The following PLXNA4 variants were observed in gnomAD, a reference collection of about 807,000 sequenced individuals.
PLXNA4 encodes the protein plexin A4, also known as plexin-A4.
Under a neutral mutation model 191.8 loss-of-function variants are expected in PLXNA4, and 44 were observed. The observed-to-expected ratio is 0.23, with a 90% CI of 0.18 to 0.29. PLXNA4 has a LOEUF of 0.29. Among genes scored for constraint, PLXNA4 ranks in the 10% least tolerant of loss-of-function variants. The probability of loss-of-function intolerance (pLI) is 1.00; values close to 1 mark genes in which losing one functional copy is unlikely to be tolerated. For synonymous variants in PLXNA4, 1,082 were observed against 1,009.5 expected (o/e 1.07, Z -1.36); for missense variants, 1,800 against 2,488.8 (o/e 0.72, Z 5.89).
intron 3 of PLXNA4, among the ~76,000 whole-genome samples, chr7:132,405,875 C>T (rs1165013883): frequency 6.6e-6 from 1 of 152,206 alleles, no homozygotes; most frequent in African/African-American, 2.4e-5. Flanking sequence ...AACAAGTCTT[C>T]CCCTTGCTAC....
chr7:132,170,609 G>A (rs10954366), intron 21 of PLXNA4, among the ~76,000 whole-genome samples: 44,362 of 152,166 alleles, frequency 0.29, 8,540 homozygotes, highest in African/African-American at 0.52. Flanking sequence ...CTCAGGGCAA[G>A]GCACTGGCAG....
chr7:132,449,017 T>G (rs2117289796), intron 3 of PLXNA4, among the ~76,000 whole-genome samples: 1 of 135,802 alleles, frequency 7.4e-6, no homozygotes, highest in Non-Finnish European at 1.5e-5. Flanking sequence ...ATTGAATCAC[T>G]TTGAATTGAA....
intron 3 of PLXNA4, among the ~76,000 whole-genome samples, chr7:132,313,297 G>T (rs972565575): frequency 2.0e-5 from 3 of 152,294 alleles, no homozygotes; most frequent in Admixed American, 6.5e-5. Flanking sequence ...GTCTGAGACT[G>T]GTTTTGAAAT....
intron 4 of PLXNA4, among the ~76,000 whole-genome samples, chr7:132,255,336 C>T (rs1292522974): frequency 1.3e-5 from 2 of 152,176 alleles, no homozygotes; most frequent in Non-Finnish European, 2.9e-5. Flanking sequence ...TCAACATTCT[C>T]AAGCCTCTGA....
intron 3 of PLXNA4, among the ~76,000 whole-genome samples, chr7:132,474,487 G>A (rs776249375): frequency 2.0e-5 from 3 of 152,102 alleles, no homozygotes; most frequent in Non-Finnish European, 4.4e-5. Flanking sequence ...CCATCACCCA[G>A]GTTATTCACC....
At chr7:132,449,784 C>T (rs1464859712) in intron 3 of PLXNA4, among the ~76,000 whole-genome samples, 1 of 152,218 alleles carries the variant, frequency 6.6e-6, no homozygotes, top group Non-Finnish European at 1.5e-5. Flanking sequence ...GCCCATCCTC[C>T]CCAACCTAGT....
chr7:132,540,117 T>A (rs142389111), intron 1 of PLXNA4, among the ~76,000 whole-genome samples: 1 of 152,290 alleles, frequency 6.6e-6, no homozygotes, highest in East Asian at 1.9e-4. Context: ...TGGCTCTGCA[T>A]AATGAAGAAG....
Position 132,145,366 on chromosome 7 carries a change from C to T in PLXNA4, c.5056-78G>A, listed in dbSNP as rs1795390201. ...TGGCTTTTAAAACCTGCCTCACAGA[C>T]CTAGGCAGGGGAGGATGGTATACAG... On this transcript the variant is annotated intron_variant, in intron 28 of 31. Coordinates refer to ENST00000321063, the MANE Select transcript of PLXNA4 (RefSeq NM_020911.2). 7 of 1,588,952 alleles carry T rather than the reference C, an allele frequency of 4.4e-6. No homozygotes were observed. The South Asian group carries it at 7.9e-5, about 18-fold the overall frequency.
At chr7:132,446,166 C>T (rs535305095) in intron 3 of PLXNA4, among the ~76,000 whole-genome samples, 37 of 152,314 alleles carry the variant, frequency 2.4e-4, no homozygotes, top group Middle Eastern at 6.8e-3. Context: ...AACCCTTTAC[C>T]GTTGTTGATG....
intron 1 of PLXNA4, among the ~76,000 whole-genome samples, chr7:132,554,270 G>A (rs1800694412): frequency 6.6e-6 from 1 of 152,180 alleles, no homozygotes; most frequent in South Asian, 2.1e-4. Flanking sequence ...GGGGGACAGT[G>A]TGACAATGAG....
chr7:132,340,486 T>C (rs1802985199), intron 3 of PLXNA4, among the ~76,000 whole-genome samples: 1 of 152,206 alleles, frequency 6.6e-6, no homozygotes, highest in African/African-American at 2.4e-5. Context: ...TGTCACCTTC[T>C]ACCTTCCTGT....
At chr7:132,132,945 G>A (rs1051457665) in intron 31 of PLXNA4, 104 bp downstream of exon 31, 9 of 1,492,230 alleles carry the variant, frequency 6.0e-6, no homozygotes, top group Non-Finnish European at 6.3e-6. Flanking sequence ...CCCAGCAGAG[G>A]TGGATGTGTC....
chr7:132,354,616 G>A (rs1380045665), intron 3 of PLXNA4, among the ~76,000 whole-genome samples: 1 of 152,194 alleles, frequency 6.6e-6, no homozygotes, highest in Non-Finnish European at 1.5e-5. Context: ...GTCCACATGT[G>A]TGTGTCCTAA....
intron 3 of PLXNA4, among the ~76,000 whole-genome samples, chr7:132,317,605 G>A (rs915014707): frequency 3.9e-5 from 6 of 152,182 alleles, no homozygotes; most frequent in African/African-American, 1.4e-4. Context: ...GACTGAACTG[G>A]GTTGGATTTA....
At chr7:132,599,554 G>A (rs369076640) in intron 2 of PLXNA4, among the ~76,000 whole-genome samples, 4 of 151,894 alleles carry the variant, frequency 2.6e-5, no homozygotes, top group African/African-American at 9.7e-5. Flanking sequence ...TTTTGTTTTA[G>A]GTAGATCTGA....
At chr7:132,353,669 T>C (rs1212565036) in intron 3 of PLXNA4, among the ~76,000 whole-genome samples, 3 of 152,192 alleles carry the variant, frequency 2.0e-5, no homozygotes, top group African/African-American at 7.2e-5. Flanking sequence ...ATTTATTTCA[T>C]CCCTGCATTA....
chr7:132,399,228 C>G lies in PLXNA4; in HGVS notation c.1371+90064G>C, dbSNP rs796870593. ...ATGGGCGCAAGGGCTCAGCATCACA[C>G]TGGTCACCAAAGGGACACAACCCAG... On this transcript the variant is annotated intron_variant, in intron 3 of 31. Coordinates refer to ENST00000321063, the MANE Select transcript of PLXNA4 (RefSeq NM_020911.2). Among the ~76,000 whole-genome samples, 9 of 152,336 alleles carry G rather than the reference C, an allele frequency of 5.9e-5. 1 individual carries two copies. Among genetic ancestry groups the G allele is most frequent in the African/African-American group, 2.2e-4 (9 of 41,580 alleles).
At chr7:132,618,389 G>A (rs1803195672) in intron 2 of PLXNA4, among the ~76,000 whole-genome samples, 1 of 151,366 alleles carries the variant, frequency 6.6e-6, no homozygotes, top group South Asian at 2.1e-4. Context: ...GAAGGCAGAG[G>A]CCATGTTCAT....
chr7:132,582,104 C>T (rs918338177), upstream of PLXNA4, among the ~76,000 whole-genome samples: 3 of 152,116 alleles, frequency 2.0e-5, no homozygotes, highest in African/African-American at 7.2e-5. Context: ...TCCTGGGAGG[C>T]ACAAGGTCCC....
Sources: allele counts gnomAD v4.1 joint callset (sites outside exome capture counted in the v4.1 genomes callset), GRCh38; gene constraint gnomAD v4.1.1; transcripts MANE v1.5; gene names NCBI Gene and HGNC (gene_info 2026-07-23, HGNC 2026-07-21).